Variants in SCARA3 observed in about 807,000 individuals in gnomAD.
SCARA3 encodes cellular stress response gene protein.
Under a neutral mutation model 47.0 loss-of-function variants are expected in SCARA3, and 39 were observed. The observed-to-expected ratio is 0.83, with a 90% CI of 0.64 to 1.08. The LOEUF is 1.08. Among genes scored for constraint, SCARA3 ranks in the 50% least tolerant of loss-of-function variants. The probability of loss-of-function intolerance (pLI) is 0.00; values close to 1 mark genes in which losing one functional copy is unlikely to be tolerated. For synonymous variants in SCARA3, 356 were observed against 334.1 expected (o/e 1.07, Z -0.71); for missense variants, 724 against 792.3 (o/e 0.91, Z 1.04).
chr8:27,644,974 G>A (rs1021661282), intron 1 of SCARA3, among the ~76,000 whole-genome samples: 1 of 152,154 alleles, frequency 6.6e-6, no homozygotes, highest in Non-Finnish European at 1.5e-5. Context: ...AGAATATGAT[G>A]TCCCTTGTTC....
intron 5 of SCARA3, among the ~76,000 whole-genome samples, chr8:27,665,270 TA>T (rs1216137339): frequency 2.6e-5 from 4 of 152,220 alleles, no homozygotes; most frequent in Non-Finnish European, 5.9e-5. Flanking sequence ...AATGAAGTGG[TA>T]AGACCAGCTG....
intron 5 of SCARA3, among the ~76,000 whole-genome samples, chr8:27,660,730 G>GATA (rs1801890493): frequency 6.8e-6 from 1 of 147,934 alleles, no homozygotes; most frequent in Admixed American, 6.8e-5. Context: ...TAGATAGATA[G>GATA]ATAGATCCAG....
chr8:27,649,203 G>A (rs1377681111), intron 1 of SCARA3, among the ~76,000 whole-genome samples: 1 of 152,158 alleles, frequency 6.6e-6, no homozygotes, highest in Non-Finnish European at 1.5e-5. Flanking sequence ...GTGTGAAGCA[G>A]GGATCTGCGC....
the SCARA3 span, among the ~76,000 whole-genome samples, chr8:27,684,411 TGCTGTG>T: frequency 6.6e-6 from 1 of 152,168 alleles, no homozygotes; most frequent in Non-Finnish European, 1.5e-5. Flanking sequence ...GAAGTCTGGG[TGCTGTG>T]GCCCACGCCT....
intron 1 of SCARA3, among the ~76,000 whole-genome samples, chr8:27,642,514 C>T (rs985031556): frequency 5.3e-5 from 8 of 152,094 alleles, no homozygotes; most frequent in Admixed American, 6.5e-5. Context: ...GGGGTGACAA[C>T]GGGGATCAAG....
chr8:27,645,767 C>T (rs939803071), intron 1 of SCARA3, among the ~76,000 whole-genome samples: 2 of 152,180 alleles, frequency 1.3e-5, no homozygotes, highest in Non-Finnish European at 2.9e-5. Context: ...GAAGGAAATT[C>T]TTTTCCCATC....
intron 3 of SCARA3, among the ~76,000 whole-genome samples, chr8:27,653,570 CGTGTGTGTGT>C (rs61545866): frequency 6.9e-6 from 1 of 145,102 alleles, no homozygotes; most frequent in Non-Finnish European, 1.5e-5. Flanking sequence ...ATTTGTAAAG[CGTGTGTGTGT>C]GTGTGTGTGT....
At chr8:27,726,604 G>T in the SCARA3 span, among the ~76,000 whole-genome samples, 6 of 152,110 alleles carry the variant, frequency 3.9e-5, no homozygotes, top group Admixed American at 2.0e-4. Flanking sequence ...GGAGACTGAG[G>T]CAGGAGAATT....
At chr8:27,638,898 G>A (rs774782272) in intron 1 of SCARA3, among the ~76,000 whole-genome samples, 9 of 152,110 alleles carry the variant, frequency 5.9e-5, no homozygotes, top group Non-Finnish European at 8.8e-5. Flanking sequence ...TTCGAAATGC[G>A]TCCTCGGTTT....
At chr8:27,673,341 G>A (rs1802211160), downstream of SCARA3, among the ~76,000 whole-genome samples, 1 of 152,260 alleles carries the variant, frequency 6.6e-6, no homozygotes, top group African/African-American at 2.4e-5. Flanking sequence ...TCCTGCTTCT[G>A]GCTTTTGTCT....
At chr8:27,721,506 G>C in the SCARA3 span, among the ~76,000 whole-genome samples, 1 of 152,132 alleles carries the variant, frequency 6.6e-6, no homozygotes, top group Admixed American at 6.5e-5. Flanking sequence ...AAAAGAATGA[G>C]GCAAGATTGG....
At chr8:27,681,904 G>T in the SCARA3 span, among the ~76,000 whole-genome samples, 131 of 152,054 alleles carry the variant, frequency 8.6e-4, no homozygotes, top group African/African-American at 3.0e-3. Context: ...TTGATTTTTG[G>T]TTTTTTGGTA....
chr8:27,715,580 CTAGATAGATGATAGATAGATAGA>C, the SCARA3 span, among the ~76,000 whole-genome samples: 50 of 150,734 alleles, frequency 3.3e-4, no homozygotes, highest in African/African-American at 9.1e-4. The surrounding 1 kb of genome is among the most constrained non-coding windows in gnomAD (Gnocchi z 4.2). Flanking sequence ...CACTTCGCAC[CTAGATAGATGATAGATAGATAGA>C]TAGATAGATA....
chr8:27,644,020 G>A (rs1320688100), intron 1 of SCARA3, among the ~76,000 whole-genome samples: 1 of 152,058 alleles, frequency 6.6e-6, no homozygotes, highest in Non-Finnish European at 1.5e-5. Flanking sequence ...TTAGCAATGT[G>A]CCAAGGCATG....
the SCARA3 span, among the ~76,000 whole-genome samples, chr8:27,722,979 C>T: frequency 0.025 from 3,765 of 152,230 alleles, 73 homozygotes; most frequent in Non-Finnish European, 0.036. Context: ...GCTCCCTCTT[C>T]GGCAGCAGGC....
the SCARA3 span, among the ~76,000 whole-genome samples, chr8:27,718,292 C>T: frequency 1.7e-4 from 26 of 152,330 alleles, no homozygotes; most frequent in East Asian, 1.9e-3. Flanking sequence ...CCCAGCAACC[C>T]GAGGATGTCT....
At chr8:27,654,133 A>G (rs989463985) in intron 3 of SCARA3, among the ~76,000 whole-genome samples, 4 of 152,206 alleles carry the variant, frequency 2.6e-5, no homozygotes, top group African/African-American at 9.6e-5. Context: ...ACATGGATTG[A>G]TGAATGGGTG....
the SCARA3 span, among the ~76,000 whole-genome samples, chr8:27,697,038 G>A: frequency 3.3e-5 from 5 of 152,130 alleles, no homozygotes; most frequent in Non-Finnish European, 7.4e-5. Flanking sequence ...TTTATGGTAT[G>A]TAAGTTGTAT....
At chr8:27,730,430 T>C in the SCARA3 span, among the ~76,000 whole-genome samples, 1 of 151,220 alleles carries the variant, frequency 6.6e-6, no homozygotes, top group East Asian at 1.9e-4. Flanking sequence ...CCGCCAGGCC[T>C]AGAAGCAGGC....
Sources: gnomAD v4.1 joint callset for allele counts (sites outside exome capture counted in the v4.1 genomes callset) on GRCh38, gnomAD v4.1.1 for gene constraint, Gnocchi (gnomAD v3.1) non-coding constraint, MANE v1.5 for transcripts, NCBI Gene and HGNC (gene_info 2026-07-23, HGNC 2026-07-21) for gene names.